Variants in LCP1 observed in about 807,000 individuals in gnomAD.
LCP1 encodes the protein lymphocyte cytosolic protein 1.
In LCP1, 23 loss-of-function variants were observed where a neutral mutation model predicts 72.0. The observed-to-expected ratio is 0.32, with a 90% confidence interval of 0.23 to 0.45. The LOEUF (loss-of-function observed/expected upper bound fraction) is 0.45, where lower values mean the gene tolerates loss of function less well. LCP1 is among the 20% of genes least tolerant of loss of function. The pLI is 1.00. For missense variants in LCP1, 571 were observed against 748.3 expected, an observed-to-expected ratio of 0.76 and a Z score of 2.76; for synonymous variants, 245 against 275.4, an observed-to-expected ratio of 0.89 and a Z score of 1.09.
chr13:46,139,116 T>C (rs2045682512), intron 13 of LCP1, among the ~76,000 whole-genome samples: 1 of 152,210 alleles, frequency 6.6e-6, no homozygotes, highest in Non-Finnish European at 1.5e-5. Context: ...ATAATAAAGA[T>C]AGCTTGGAAA....
At chr13:46,162,590 G>A (rs1021536914) in intron 1 of LCP1, among the ~76,000 whole-genome samples, 1 of 152,052 alleles carries the variant, frequency 6.6e-6, no homozygotes, top group Non-Finnish European at 1.5e-5. Flanking sequence ...GCGGAGTCTC[G>A]TTCACTCAGT....
Position 46,134,141 on chromosome 13 carries a change from T to C in LCP1, c.1612A>G (p.Ile538Val), listed in dbSNP as rs148900496. 135 of 1,613,642 alleles carry C rather than the reference T, an allele frequency of 8.4e-5. No homozygotes were observed. In the African/African-American group the frequency reaches 1.5e-3, roughly 18 times the overall value. Reference protein sequence around the residue: ...TLREAKKSSSISSFKDPKIST... With the variant: ...TLREAKKSSSVSSFKDPKIST... ...AAGAATTTTACCTTGAAACTAGAGA[T>C]GGATGAACTTTTCTTTGCTTCCCTC... The change falls in exon 14 of 16, where the codon ATC becomes GTC. Residue 538 changes from isoleucine (I) to valine (V), a missense_variant. By Grantham distance (29) the Ile-to-Val change is conservative. Transcript: ENST00000323076.
intron 1 of LCP1, 107 bp downstream of exon 1, chr13:46,182,004 T>G (rs2045958350): frequency 6.6e-6 from 1 of 152,172 alleles, no homozygotes; most frequent in Non-Finnish European, 1.5e-5. Flanking sequence ...TCAGGTGACA[T>G]GCTCAGATCT....
chr13:46,157,508 C>A (rs1394663066), intron 4 of LCP1, among the ~76,000 whole-genome samples: 1 of 152,044 alleles, frequency 6.6e-6, no homozygotes, highest in African/African-American at 2.4e-5. Flanking sequence ...CAAGTTATGT[C>A]TTCACAGCCT....
intron 14 of LCP1, among the ~76,000 whole-genome samples, chr13:46,132,711 C>G (rs571621845): frequency 6.6e-6 from 1 of 152,104 alleles, no homozygotes; most frequent in African/African-American, 2.4e-5. Context: ...GCATCCACTC[C>G]TAACTCTGCT....
At chr13:46,154,736 G>A (rs1593954817) in intron 6 of LCP1, 69 bp downstream of exon 6, 1 of 1,291,840 alleles carries the variant, frequency 7.7e-7, no homozygotes, top group Non-Finnish European at 1.1e-6. Context: ...GAAAAAGGCG[G>A]ACTCAGCAGT....
At chr13:46,139,903 G>T (rs2138229200) in intron 13 of LCP1, among the ~76,000 whole-genome samples, 1 of 152,218 alleles carries the variant, frequency 6.6e-6, no homozygotes, top group East Asian at 1.9e-4. Context: ...GAATAACAGG[G>T]CCCACATTTA....
chr13:46,135,961 G>C (rs1315570027), intron 13 of LCP1, among the ~76,000 whole-genome samples: 3 of 151,902 alleles, frequency 2.0e-5, no homozygotes, highest in African/African-American at 7.3e-5. Context: ...AAAGAATACA[G>C]GTTAAGCTCC....
At chr13:46,145,134 G>T (rs1381699230) in intron 10 of LCP1, among the ~76,000 whole-genome samples, 2 of 152,210 alleles carry the variant, frequency 1.3e-5, no homozygotes, top group African/African-American at 4.8e-5. Flanking sequence ...AGCCTATCTG[G>T]AAGAAGGATT....
At chr13:46,132,802 T>A (rs2045642050) in intron 14 of LCP1, among the ~76,000 whole-genome samples, 1 of 152,126 alleles carries the variant, frequency 6.6e-6, no homozygotes, top group African/African-American at 2.4e-5. Context: ...AGGTGGACAC[T>A]CCTGCGACAG....
chr13:46,143,730 C>T (rs2045712281), intron 11 of LCP1, among the ~76,000 whole-genome samples: 6 of 152,224 alleles, frequency 3.9e-5, no homozygotes, highest in Admixed American at 3.9e-4. Flanking sequence ...CACATGTCCC[C>T]TGTACCTAAA....
chr13:46,153,699 C>G (rs1417174534), intron 6 of LCP1, among the ~76,000 whole-genome samples: 2 of 142,182 alleles, frequency 1.4e-5, no homozygotes, highest in Non-Finnish European at 3.0e-5. Context: ...GAAACTCCAT[C>G]TCAAAAAAAA....
chr13:46,179,736 T>C (rs1379061909), intron 1 of LCP1, among the ~76,000 whole-genome samples: 5 of 141,596 alleles, frequency 3.5e-5, no homozygotes, highest in Admixed American at 1.5e-4. Context: ...CACCAAAATG[T>C]GGGTTAGCAG....
chr13:46,126,225 C>T lies in LCP1; in HGVS notation c.*1366G>A. On this transcript the variant is annotated 3_prime_UTR_variant, in exon 16 of 16. Transcript: ENST00000323076. Reference sequence around the variant, plus strand: ...TTACATACCACCACTAAAGAAGATACCTCATTGATGGAGCTTTTCACCATG... The same window carrying T: ...TTACATACCACCACTAAAGAAGATATCTCATTGATGGAGCTTTTCACCATG... The T allele has an allele frequency of 4.4e-6, 1 of 225,904 alleles. No individual in the cohort carries two copies. Among genetic ancestry groups the T allele is most frequent in the Non-Finnish European group, 8.8e-6 (1 of 113,330 alleles). 14.0% of individuals were successfully genotyped at this position (225,904 alleles called of 1,614,324 possible).
At position 46,151,133 on chromosome 13, in the gene LCP1, G is replaced by C. The variant is rs575285674; in HGVS notation, c.740-55C>G. 416 of 1,558,070 alleles carry C rather than the reference G, an allele frequency of 2.7e-4. 15 individuals are homozygous for C. The Admixed American group carries it at 8.4e-3, about 32-fold the overall frequency. ...AAATGCAGCGATGTTGGGGGAGGGG[G>C]GTTGGTTATAACTTTCATTAAGCTC... On this transcript the variant is annotated intron_variant, in intron 7 of 15. Transcript: ENST00000323076.
At chr13:46,153,072 T>C in intron 6 of LCP1, 127 bp from the exon 7 acceptor site, 1 of 916,226 alleles carries the variant, frequency 1.1e-6, no homozygotes, top group Non-Finnish European at 1.6e-6. Context: ...TCTTCACTCA[T>C]TTTAACATTG....
At chr13:46,171,169 C>T (rs1267022851) in intron 1 of LCP1, among the ~76,000 whole-genome samples, 1 of 152,214 alleles carries the variant, frequency 6.6e-6, no homozygotes, top group Non-Finnish European at 1.5e-5. Context: ...ATTTAATTCT[C>T]ACCACAATCC....
intron 4 of LCP1, among the ~76,000 whole-genome samples, chr13:46,157,807 T>C (rs894157110): frequency 1.4e-5 from 2 of 144,226 alleles, no homozygotes; most frequent in Non-Finnish European, 3.0e-5. Flanking sequence ...AGTGCAATGG[T>C]GCAATCTCGG....
intron 1 of LCP1, among the ~76,000 whole-genome samples, chr13:46,181,846 A>C (rs1392880753): frequency 6.6e-6 from 1 of 152,226 alleles, no homozygotes; most frequent in South Asian, 2.1e-4. Flanking sequence ...AAAAGGAAAA[A>C]GAAACCTTAA....
Sources: gnomAD v4.1 joint callset for allele counts (sites outside exome capture counted in the v4.1 genomes callset) on GRCh38, gnomAD v4.1.1 for gene constraint, MANE v1.5 for transcripts, NCBI Gene and HGNC (gene_info 2026-07-23, HGNC 2026-07-21) for gene names.